ZNF500: variants seen among roughly 807,000 people sequenced by gnomAD.
ZNF500 encodes the protein zinc finger protein with KRAB and SCAN domains 18.
In ZNF500, 31 loss-of-function variants were observed where a neutral mutation model predicts 30.1. The observed-to-expected ratio is 1.03, with a 90% CI of 0.77 to 1.39. The LOEUF (loss-of-function observed/expected upper bound fraction) is 1.39. Among genes scored for constraint, ZNF500 ranks in the 40% most tolerant of loss-of-function variants. The pLI is 0.00. For synonymous variants in ZNF500, 392 were observed against 282.0 expected, an observed-to-expected ratio of 1.39 and a Z score of -3.91; for missense variants, 817 against 657.8, an observed-to-expected ratio of 1.24 and a Z score of -2.65.
chr16:4,757,132 C>G (rs1428155113), intron 5 of ZNF500, among the ~76,000 whole-genome samples: 1 of 152,210 alleles, frequency 6.6e-6, no homozygotes, highest in Non-Finnish European at 1.5e-5. Flanking sequence ...CGAAACGCCA[C>G]TGAACCGTTT....
chr16:4,747,486 G>A, downstream of ZNF500: 3 of 1,613,310 alleles, frequency 1.9e-6, no homozygotes, highest in Non-Finnish European at 2.5e-6. Context: ...CGAACTGGGA[G>A]GAAGCAACAC....
At chr16:4,746,931 A>G, downstream of ZNF500, 1 of 1,559,022 alleles carries the variant, frequency 6.4e-7, no homozygotes, top group Non-Finnish European at 8.7e-7. Context: ...CTGCAGCTCC[A>G]GCCACAGCTC....
intron 5 of ZNF500, among the ~76,000 whole-genome samples, chr16:4,759,440 G>T (rs969496391): frequency 5.3e-5 from 8 of 152,196 alleles, no homozygotes; most frequent in South Asian, 2.1e-4. Flanking sequence ...AGATACACTT[G>T]TACACCCACG....
intron 5 of ZNF500, 62 bp downstream of exon 5, chr16:4,760,430 T>A: frequency 2.7e-6 from 4 of 1,507,714 alleles, no homozygotes; most frequent in Non-Finnish European, 3.7e-6. Context: ...GCCCCGGAGC[T>A]GGTGCCTGAC....
At chr16:4,754,488 CATTTT>C (rs1475732954) in intron 5 of ZNF500, among the ~76,000 whole-genome samples, 1 of 151,710 alleles carries the variant, frequency 6.6e-6, no homozygotes, top group African/African-American at 2.4e-5. Flanking sequence ...GGTGAAACCC[CATTTT>C]ATTTTATTAA....
intron 5 of ZNF500, among the ~76,000 whole-genome samples, chr16:4,754,963 G>A (rs1277871370): frequency 6.6e-6 from 1 of 152,108 alleles, no homozygotes; most frequent in Non-Finnish European, 1.5e-5. Flanking sequence ...GATTAAAAGT[G>A]AGCGGCACCT....
Position 4,751,487 on chromosome 16 carries a change from A to G in ZNF500, c.*889T>C, listed in dbSNP as rs1383656313. On this transcript the variant is annotated 3_prime_UTR_variant, in exon 6 of 6. Coordinates refer to ENST00000219478, the MANE Select transcript of ZNF500 (RefSeq NM_021646.4). ...GTGTCTTCCGCCCTGCAGAGCAGCT[A>G]TGGATCTGCAAAGGGGACTGGAATG... 6 of 1,286,662 alleles carry G rather than the reference A, an allele frequency of 4.7e-6. No individual in the cohort carries two copies. The highest frequency in any genetic ancestry group is 1.5e-5 in the African/African-American group (1 of 66,852). 79.7% of individuals were successfully genotyped at this position (1,286,662 alleles called of 1,614,324 possible).
In ZNF500 at chr16:4,765,880, C is replaced by G. The variant is rs146229962; in HGVS notation, c.99G>C (p.Leu33Phe). The change falls in exon 2 of 6, where the codon TTG (leucine) becomes TTC (phenylalanine). Residue 33 changes from leucine to phenylalanine, a missense_variant. Coordinates refer to ENST00000219478, the MANE Select transcript of ZNF500 (RefSeq NM_021646.4). ...LIVKVEEDFC[L>F]EEEPSVETED... ...CCGTCTCCACGGAGGGCTCCTCTTC[C>G]AAGCAGAAGTCCTCCTCCACCTTCA... 19 of 1,613,510 alleles carry G rather than the reference C, an allele frequency of 1.2e-5. No homozygotes were observed. The African/African-American group carries it at 2.1e-4, about 18-fold the overall frequency.
At chr16:4,761,720 G>A (rs1264574209) in intron 4 of ZNF500, among the ~76,000 whole-genome samples, 1 of 151,014 alleles carries the variant, frequency 6.6e-6, no homozygotes, top group Admixed American at 6.6e-5. Flanking sequence ...GCCGGGTGTG[G>A]TGGTGCATGC....
chr16:4,762,364 A>G, intron 3 of ZNF500, 29 bp from the exon 4 acceptor site: 1 of 1,588,700 alleles, frequency 6.3e-7, no homozygotes, highest in Non-Finnish European at 8.6e-7. Flanking sequence ...ACCACCAGTC[A>G]CACAGCTCAC....
chr16:4,761,372 G>A (rs1415993243), intron 4 of ZNF500, among the ~76,000 whole-genome samples: 2 of 151,306 alleles, frequency 1.3e-5, no homozygotes, highest in African/African-American at 2.4e-5. Context: ...CCCGGGAGCC[G>A]GAGGTTGCAG....
Position 4,752,185 on chromosome 16 carries a change from T to C in ZNF500, c.*191A>G. On this transcript the variant is annotated 3_prime_UTR_variant, in exon 6 of 6. Transcript: ENST00000219478. ...CCACTGGACACTCAGAGCCTGTCCT[T>C]GCCCTTGTTCTGCACCCAGTGCCCA... is the stretch of plus-strand genomic sequence containing the variant. 2.1e-6 allele frequency: 3 copies of C among 1,410,368 alleles called. No individual in the cohort carries two copies. The Admixed American group carries it at 8.9e-5, about 42-fold the overall frequency. The allele number at this position is 1,410,368 out of a possible 1,614,324, so 87.4% of individuals were successfully genotyped here.
intron 5 of ZNF500, among the ~76,000 whole-genome samples, chr16:4,756,149 G>C (rs1167686683): frequency 6.6e-6 from 1 of 152,172 alleles, no homozygotes; most frequent in African/African-American, 2.4e-5. Context: ...TGTAATACCA[G>C]CACTCTGAAA....
chr16:4,745,022 T>C (rs781553015), downstream of ZNF500: 28 of 1,611,684 alleles, frequency 1.7e-5, no homozygotes, highest in Admixed American at 4.3e-4. Context: ...GTGGGACTTG[T>C]AGCCAGGCCC....
At chr16:4,765,431 C>T (rs893222443) in intron 2 of ZNF500, 134 bp downstream of exon 2, 3 of 1,254,286 alleles carry the variant, frequency 2.4e-6, no homozygotes, top group South Asian at 1.5e-5. Flanking sequence ...AAATCTTTTG[C>T]AGTTGCTTTC....
chr16:4,746,152 A>T, downstream of ZNF500: 2 of 485,758 alleles, frequency 4.1e-6, no homozygotes, highest in South Asian at 6.8e-5. Context: ...TACCACAGAT[A>T]GAGAGCATGT....
At position 4,752,676 on chromosome 16, in the gene ZNF500, G is replaced by A. The variant is rs764048696; in HGVS notation, c.1143C>T (p.Tyr381=). 2.4e-5 allele frequency: 39 copies of A among 1,613,870 alleles called. No individual in the cohort carries two copies. The Admixed American group carries it at 4.0e-4, about 17-fold the overall frequency. Residue 381 remains tyrosine, a synonymous_variant, in exon 6 of 6, where the codon TAC becomes TAT. Coordinates refer to ENST00000219478, the MANE Select transcript of ZNF500 (RefSeq NM_021646.4). ...AGCGCTTCCCACACTCGGGGCACGG[G>A]TAGGGCTTCTCGCCTGTGTGCACCC... The part of the protein sequence containing the change: ...HQRVHTGEKP[Y]PCPECGKRFS...
chr16:4,762,191 G>A lies in ZNF500; in HGVS notation c.663+80C>T, dbSNP rs111376305. ...CAAAACCTTGGCCCCCAGGAGAGGT[G>A]TCCCCTTAACAAGGAAGTGTGACAC... On this transcript the variant is annotated intron_variant, in intron 4 of 5. Transcript: ENST00000219478. 2.5e-4 allele frequency: 368 copies of A among 1,489,504 alleles called. 3 individuals carry two copies. Among genetic ancestry groups the A allele is most frequent in the Middle Eastern group, 1.5e-3 (9 of 5,824 alleles). The allele number at this position is 1,489,504 out of a possible 1,614,324, so 92.3% of individuals were successfully genotyped here.
rs1466613085 is a variant in ZNF500 at position 4,750,147 on chromosome 16, G to C, written c.*2229C>G. The C allele has an allele frequency of 6.6e-6, 1 of 152,592 alleles. No individual in the cohort carries two copies. The highest frequency in any genetic ancestry group is 2.4e-5 in the African/African-American group (1 of 41,460). The allele number at this position is 152,592 out of a possible 1,614,324, so 9.5% of individuals were successfully genotyped here. ...GGCTGCGCTGGGGAGATGGGTGTCAGCAACGCTGGGTGCTTTGCTAGCTCC... is the reference window on the plus strand; with the variant it reads ...GGCTGCGCTGGGGAGATGGGTGTCACCAACGCTGGGTGCTTTGCTAGCTCC... On this transcript the variant is annotated 3_prime_UTR_variant, in exon 6 of 6. Coordinates refer to ENST00000219478, the MANE Select transcript of ZNF500 (RefSeq NM_021646.4).
Sources: gnomAD v4.1 joint callset for allele counts (sites outside exome capture counted in the v4.1 genomes callset) on GRCh38, gnomAD v4.1.1 for gene constraint, MANE v1.5 for transcripts, NCBI Gene and HGNC (gene_info 2026-07-23, HGNC 2026-07-21) for gene names.